UBXN2A: variants seen among roughly 807,000 people sequenced by gnomAD.
The protein encoded by UBXN2A is UBX domain-containing protein 2A.
Under a neutral mutation model 28.4 loss-of-function variants are expected in UBXN2A, and 28 were observed. The observed-to-expected ratio is 0.99, with a 90% CI of 0.73 to 1.35. The LOEUF is 1.35. Ranked by LOEUF, UBXN2A falls within the 40% of genes most tolerant of loss-of-function variation. UBXN2A has a pLI of 0.00. For missense variants in UBXN2A, 253 were observed against 297.9 expected, an observed-to-expected ratio of 0.85 and a Z score of 1.11; for synonymous variants, 97 against 103.6, an observed-to-expected ratio of 0.94 and a Z score of 0.39.
chr2:23,958,291 A>T lies in UBXN2A; in HGVS notation c.-14-10A>T. The T allele has an allele frequency of 6.3e-7, 1 of 1,584,500 alleles. No individual in the cohort carries two copies. The highest frequency in any genetic ancestry group is 8.6e-7 in the Non-Finnish European group (1 of 1,169,196). ...CTTTCTTTTTACTTACTTTCTTTGT[A>T]CTTTTACAGTAAGGCGAAAGAGAAT... On this transcript the variant is annotated splice_polypyrimidine_tract_variant and intron_variant, in intron 1 of 6. Coordinates refer to ENST00000309033, the MANE Select transcript of UBXN2A (RefSeq NM_181713.4).
chr2:23,968,577 G>T (rs1707269269), intron 2 of UBXN2A, among the ~76,000 whole-genome samples: 1 of 151,698 alleles, frequency 6.6e-6, no homozygotes, highest in Non-Finnish European at 1.5e-5. Context: ...AGAGGCTGAG[G>T]CAGGAGAATG....
At chr2:23,927,897 C>T (rs1304629086) in intron 1 of UBXN2A, among the ~76,000 whole-genome samples, 2 of 151,976 alleles carry the variant, frequency 1.3e-5, no homozygotes, top group Non-Finnish European at 2.9e-5. Context: ...TGCTGTAGGC[C>T]GGGTGCGGTG....
intron 1 of UBXN2A, among the ~76,000 whole-genome samples, chr2:23,953,156 A>G (rs1159796686): frequency 1.3e-5 from 2 of 152,072 alleles, no homozygotes; most frequent in African/African-American, 4.8e-5. Flanking sequence ...ATTAAGAGTA[A>G]TTTTCTGATA....
chr2:23,946,661 G>A (rs1706098640), intron 1 of UBXN2A, among the ~76,000 whole-genome samples: 1 of 151,924 alleles, frequency 6.6e-6, no homozygotes, highest in South Asian at 2.1e-4. Context: ...TCACCATATT[G>A]GCCAGGCTGG....
At chr2:23,948,843 A>G (rs944650723) in intron 1 of UBXN2A, among the ~76,000 whole-genome samples, 5 of 152,158 alleles carry the variant, frequency 3.3e-5, no homozygotes, top group South Asian at 4.1e-4. Context: ...TCAGTACCTT[A>G]TAACTGTAAA....
At chr2:23,957,079 T>C (rs1463777849) in intron 1 of UBXN2A, among the ~76,000 whole-genome samples, 5 of 152,216 alleles carry the variant, frequency 3.3e-5, no homozygotes, top group Admixed American at 6.6e-5. Flanking sequence ...TTTTAAAATT[T>C]GTATTATTTT....
At chr2:23,971,470 C>T in intron 3 of UBXN2A, 56 bp downstream of exon 3, 6 of 1,445,726 alleles carry the variant, frequency 4.2e-6, no homozygotes, top group Non-Finnish European at 2.8e-6. Context: ...ATATATGGAC[C>T]TGTTAGAGGG....
At chr2:23,943,332 A>G (rs1391141952) in intron 1 of UBXN2A, among the ~76,000 whole-genome samples, 1 of 152,070 alleles carries the variant, frequency 6.6e-6, no homozygotes, top group Non-Finnish European at 1.5e-5. Flanking sequence ...AAATGAGGAG[A>G]CCACCTAGAG....
chr2:23,994,707 AC>A (rs1402217563), intron 6 of UBXN2A, among the ~76,000 whole-genome samples: 2 of 152,116 alleles, frequency 1.3e-5, no homozygotes, highest in Admixed American at 1.3e-4. Context: ...ATTTTAGCAT[AC>A]CTTATAATTC....
intron 6 of UBXN2A, among the ~76,000 whole-genome samples, chr2:23,992,074 C>T (rs990650063): frequency 2.0e-5 from 3 of 152,148 alleles, no homozygotes; most frequent in South Asian, 4.1e-4. Flanking sequence ...CTGGTTCATG[C>T]GATTCTCCTG....
At chr2:23,974,326 T>G (rs1707558926) in intron 3 of UBXN2A, among the ~76,000 whole-genome samples, 1 of 147,386 alleles carries the variant, frequency 6.8e-6, no homozygotes, top group Non-Finnish European at 1.5e-5. Context: ...CAAAAAATGA[T>G]AAATTTTTAT....
intron 2 of UBXN2A, among the ~76,000 whole-genome samples, chr2:23,962,605 C>CTTTTTTTTTTTT (rs1160440950): frequency 1.5e-5 from 2 of 130,678 alleles, no homozygotes; most frequent in Admixed American, 8.0e-5. Flanking sequence ...TTTTTTTATT[C>CTTTTTTTTTTTT]TTTTTTTTTT....
At chr2:23,939,690 T>C (rs1208969183), upstream of UBXN2A, 1 of 152,448 alleles carries the variant, frequency 6.6e-6, no homozygotes, top group African/African-American at 2.4e-5. Flanking sequence ...AGCTAACTAT[T>C]TGCGAGGCGA....
At position 23,982,916 on chromosome 2, in the gene UBXN2A, A is replaced by G; in HGVS notation, c.308A>G (p.Gln103Arg). ...IKKGELPSEL[Q>R]GIFDKEEVDV... Reference sequence around the variant, plus strand: ...CCAAGGGAATTACCTTCAGAATTACAGGGAATTTTTGATAAAGAAGAGGTG... The same window carrying G: ...CCAAGGGAATTACCTTCAGAATTACGGGGAATTTTTGATAAAGAAGAGGTG... Residue 103 changes from glutamine (Q) to arginine (R), a missense_variant, in exon 5 of 7, where the codon CAG (glutamine) becomes CGG (arginine). Gln to Arg is a conservative substitution (Grantham distance 43). Transcript: ENST00000309033. 1.2e-6 allele frequency: 2 copies of G among 1,608,074 alleles called. No individual in the cohort carries two copies. Among genetic ancestry groups the G allele is most frequent in the Non-Finnish European group, 1.7e-6 (2 of 1,177,524 alleles).
In UBXN2A at chr2:24,000,905, T is replaced by C. The variant is rs1433065823; in HGVS notation, c.*1038T>C. ...CTAACATTTGGGATTAGCCATTCAT[T>C]TGCCACCACTCACTTAGAATATAAT... On this transcript the variant is annotated 3_prime_UTR_variant, in exon 7 of 7. Transcript: ENST00000309033. The C allele has an allele frequency of 6.6e-6, 1 of 152,224 alleles. No homozygotes were observed. Among genetic ancestry groups the C allele is most frequent in the Non-Finnish European group, 1.5e-5 (1 of 68,050 alleles). 9.4% of individuals were successfully genotyped at this position (152,224 alleles called of 1,614,324 possible). A position where few individuals can be genotyped will look rare whatever the true frequency, so the allele number is the denominator to read the frequency against.
chr2:23,981,700 C>T (rs1219154332), intron 4 of UBXN2A, among the ~76,000 whole-genome samples: 1 of 151,370 alleles, frequency 6.6e-6, no homozygotes, highest in Non-Finnish European at 1.5e-5. Flanking sequence ...TCAGGACCAG[C>T]CTGGGCAACA....
At position 23,940,601 on chromosome 2, in the gene UBXN2A, G is replaced by A. The variant is rs1183578406; in HGVS notation, c.-62G>A. On this transcript the variant is annotated 5_prime_UTR_variant, in exon 1 of 7. Transcript: ENST00000309033. ...CGGAGCCCGCGGCCAAACGGTGCCT[G>A]CGGTGCCTGAGCTGAGTGAGGCCGA... is the stretch of plus-strand genomic sequence containing the variant. 1 of 151,442 alleles carries A rather than the reference G, an allele frequency of 6.6e-6. No homozygotes were observed. Among genetic ancestry groups the A allele is most frequent in the Non-Finnish European group, 1.5e-5 (1 of 67,858 alleles). 9.4% of individuals were successfully genotyped at this position (151,442 alleles called of 1,614,324 possible).
At chr2:23,973,958 A>G (rs558686444) in intron 3 of UBXN2A, among the ~76,000 whole-genome samples, 22 of 150,054 alleles carry the variant, frequency 1.5e-4, no homozygotes, top group African/African-American at 5.1e-4. Flanking sequence ...CTAATAATGA[A>G]TGAAGTGAGC....
intron 1 of UBXN2A, among the ~76,000 whole-genome samples, chr2:23,946,428 C>A (rs887435058): frequency 6.6e-6 from 1 of 152,084 alleles, no homozygotes; most frequent in African/African-American, 2.4e-5. Flanking sequence ...TCAAGCGATT[C>A]CCCTGCCTCA....
Sources: allele counts gnomAD v4.1 joint callset (sites outside exome capture counted in the v4.1 genomes callset), GRCh38; gene constraint gnomAD v4.1.1; transcripts MANE v1.5; gene names NCBI Gene and HGNC (gene_info 2026-07-23, HGNC 2026-07-21).